The following PRKCE variants were observed in gnomAD, a reference collection of about 807,000 sequenced individuals.
The protein encoded by PRKCE is protein kinase C epsilon type.
In PRKCE, 16 loss-of-function variants were observed where a neutral mutation model predicts 85.4. The observed-to-expected ratio is 0.19, with a 90% confidence interval of 0.13 to 0.28. The LOEUF (loss-of-function observed/expected upper bound fraction) is 0.28. Ranked by LOEUF, PRKCE falls within the 10% of genes least tolerant of loss-of-function variation. The pLI is 1.00. For missense variants in PRKCE, 573 were observed against 975.2 expected (o/e 0.59, Z 5.49); for synonymous variants, 388 against 371.5 (o/e 1.04, Z -0.51).
intron 12 of PRKCE, among the ~76,000 whole-genome samples, chr2:46,146,616 G>T (rs1189187276): frequency 6.6e-6 from 1 of 152,192 alleles, no homozygotes; most frequent in Non-Finnish European, 1.5e-5. Flanking sequence ...AAAACAACAG[G>T]ATTGGAACGG....
At chr2:45,939,143 A>T (rs1222775416) in intron 2 of PRKCE, among the ~76,000 whole-genome samples, 1 of 152,198 alleles carries the variant, frequency 6.6e-6, no homozygotes, top group African/African-American at 2.4e-5. Context: ...AACATTATAC[A>T]TTATGCCCTC....
At chr2:45,797,765 T>C (rs180900542) in intron 1 of PRKCE, among the ~76,000 whole-genome samples, 7 of 152,336 alleles carry the variant, frequency 4.6e-5, no homozygotes, top group East Asian at 1.9e-4. Flanking sequence ...TCTTTTTCAA[T>C]TGGGACTACC....
At chr2:45,953,802 C>G (rs1037096945) in intron 2 of PRKCE, among the ~76,000 whole-genome samples, 3 of 152,192 alleles carry the variant, frequency 2.0e-5, no homozygotes, top group African/African-American at 4.8e-5. Context: ...TCTCAGCACT[C>G]TCCAGGTGAG....
intron 2 of PRKCE, among the ~76,000 whole-genome samples, chr2:45,904,713 G>A (rs992112065): frequency 2.6e-5 from 4 of 152,184 alleles, no homozygotes; most frequent in Non-Finnish European, 4.4e-5. Context: ...TCTGGAAACC[G>A]TCTCCCCCGG....
intron 13 of PRKCE, among the ~76,000 whole-genome samples, chr2:46,153,781 C>CTTTTTTTT (rs70937993): frequency 1.4e-4 from 11 of 75,954 alleles, no homozygotes; most frequent in East Asian, 4.9e-4. Context: ...TCTTCTTCTT[C>CTTTTTTTT]TTTTTTTTTT....
intron 10 of PRKCE, among the ~76,000 whole-genome samples, chr2:46,029,917 T>C (rs1454863563): frequency 1.3e-5 from 2 of 152,164 alleles, no homozygotes; most frequent in African/African-American, 2.4e-5. Context: ...CTTCCCAAGC[T>C]GTGTATCTGA....
intron 14 of PRKCE, among the ~76,000 whole-genome samples, chr2:46,174,462 G>T (rs1414654963): frequency 6.6e-6 from 1 of 152,224 alleles, no homozygotes; most frequent in African/African-American, 2.4e-5. Flanking sequence ...TTTAAAAAGA[G>T]ATGTAAGTGA....
intron 10 of PRKCE, among the ~76,000 whole-genome samples, chr2:46,016,678 G>A (rs1706179000): frequency 6.6e-6 from 1 of 152,126 alleles, no homozygotes; most frequent in Non-Finnish European, 1.5e-5. Flanking sequence ...GGAGGCCGAG[G>A]CAGGTGGATC....
intron 10 of PRKCE, among the ~76,000 whole-genome samples, chr2:46,029,676 G>A (rs1030492531): frequency 1.5e-4 from 20 of 135,344 alleles, no homozygotes; most frequent in South Asian, 2.4e-4. Flanking sequence ...GGGGTTTGTC[G>A]TCGTATGGGT....
chr2:45,655,525 A>C (rs1479905162), intron 1 of PRKCE, among the ~76,000 whole-genome samples: 1 of 152,134 alleles, frequency 6.6e-6, no homozygotes, highest in African/African-American at 2.4e-5. Context: ...GTGTGTTAAG[A>C]GTTTAAAAAG....
rs963335091 is a variant in PRKCE at position 46,184,270 on chromosome 2, G to C, written c.2068-465G>C. ...ATCGAGGCAGGCTTGTGGAGAGGAT[G>C]TCACCTGGAGCAGATGTGGCCGGGT... On this transcript the variant is annotated intron_variant, in intron 14 of 14. Transcript: ENST00000306156. The surrounding 1 kb of genome is among the most constrained non-coding windows in gnomAD (Gnocchi z 5.0). 6.6e-6 allele frequency among the ~76,000 whole-genome samples: 1 copy of C among 152,188 alleles called. No individual in the cohort carries two copies. The highest frequency in any genetic ancestry group is 2.4e-5 in the African/African-American group (1 of 41,432).
chr2:45,943,625 T>C (rs1700037065), intron 2 of PRKCE, among the ~76,000 whole-genome samples: 1 of 152,248 alleles, frequency 6.6e-6, no homozygotes, highest in Non-Finnish European at 1.5e-5. Context: ...CTTAAATGTT[T>C]TCCAGTTCCA....
chr2:46,002,534 A>G (rs1704784781), intron 7 of PRKCE, among the ~76,000 whole-genome samples: 1 of 152,228 alleles, frequency 6.6e-6, no homozygotes, highest in South Asian at 2.1e-4. Flanking sequence ...TGTATAGGAA[A>G]GGTTGAAGGG....
intron 2 of PRKCE, among the ~76,000 whole-genome samples, chr2:45,944,878 A>T (rs754495043): frequency 2.4e-4 from 36 of 152,088 alleles, no homozygotes; most frequent in Non-Finnish European, 4.3e-4. Context: ...AGGTTGGCGG[A>T]TTCCCTTTGA....
At chr2:45,787,541 A>G (rs911270047) in intron 1 of PRKCE, among the ~76,000 whole-genome samples, 5 of 152,130 alleles carry the variant, frequency 3.3e-5, no homozygotes, top group Admixed American at 6.5e-5. Flanking sequence ...GGTTTCCTAA[A>G]CAGGTGTTTC....
intron 2 of PRKCE, among the ~76,000 whole-genome samples, chr2:45,941,216 C>T (rs1699857974): frequency 6.6e-6 from 1 of 152,162 alleles, no homozygotes; most frequent in South Asian, 2.1e-4. Flanking sequence ...CATGTGGCCA[C>T]TTGCTCATGG....
chr2:45,843,035 C>T lies in PRKCE; in HGVS notation c.384C>T (p.Ile128=). ...AGCCAGAAGGAAGAGTGTATGTGATCATCGATCTCTCAGGGTCGTCGGGTG... is the reference window on the plus strand; with the variant it reads ...AGCCAGAAGGAAGAGTGTATGTGATTATCGATCTCTCAGGGTCGTCGGGTG... ...DLEPEGRVYV[I]IDLSGSSGEA... is the part of the protein sequence containing the mutation. Residue 128 remains isoleucine (I), a synonymous_variant, in exon 2 of 15, where the codon ATC becomes ATT. Transcript: ENST00000306156. The T allele has an allele frequency of 6.2e-7, 1 of 1,614,180 alleles. No individual in the cohort carries two copies. Among genetic ancestry groups the T allele is most frequent in the Non-Finnish European group, 8.5e-7 (1 of 1,180,014 alleles).
chr2:46,059,311 A>G (rs1170041926), intron 10 of PRKCE, among the ~76,000 whole-genome samples: 2 of 152,220 alleles, frequency 1.3e-5, no homozygotes, highest in Non-Finnish European at 1.5e-5. Context: ...AATCACTTTT[A>G]GATCAAATAA....
At chr2:45,755,699 T>C (rs2104781391) in intron 1 of PRKCE, among the ~76,000 whole-genome samples, 1 of 152,344 alleles carries the variant, frequency 6.6e-6, no homozygotes, top group East Asian at 1.9e-4. Flanking sequence ...TCTATCCTCC[T>C]AGGGCCCGGC....
Sources: allele counts gnomAD v4.1 joint callset (sites outside exome capture counted in the v4.1 genomes callset), GRCh38; gene constraint gnomAD v4.1.1; non-coding constraint Gnocchi (gnomAD v3.1); transcripts MANE v1.5; gene names NCBI Gene and HGNC (gene_info 2026-07-23, HGNC 2026-07-21).